PARD3B: variants seen among roughly 807,000 people sequenced by gnomAD.
PARD3B encodes partitioning defective 3 homolog B.
PARD3B carries 103 observed loss-of-function variants against 130.2 expected under a neutral mutation model. The observed-to-expected ratio is 0.79, with a 90% CI of 0.67 to 0.93. PARD3B has a LOEUF of 0.93. PARD3B is among the 40% of genes least tolerant of loss of function. PARD3B has a pLI of 0.00. For synonymous variants in PARD3B, 583 were observed against 553.2 expected (o/e 1.05, Z -0.76); for missense variants, 1,609 against 1,499.2 (o/e 1.07, Z -1.21).
chr2:204,998,334 ATATATATATATATATATATATATATGTG>A lies in PARD3B; in HGVS notation c.394+33013_394+33040del, dbSNP rs1450365382. Among the ~76,000 whole-genome samples the A allele has an allele frequency of 1.5e-4, 6 of 40,306 alleles. 1 individual carries two copies. The highest frequency in any genetic ancestry group is 3.9e-4 in the African/African-American group (4 of 10,230). The allele number at this position is 40,306 out of a possible 152,430, so 26.4% of individuals were successfully genotyped here. A position where few individuals can be genotyped will look rare whatever the true frequency, so the allele number is the denominator to read the frequency against. Reference sequence around the variant, plus strand: ...AAAGTATATATATATATATATATATATATATATATATATATATATATATATGTGTGTGTGTGTGTGTATATATGTGTGT... The same window carrying A: ...AAAGTATATATATATATATATATATATGTGTGTGTGTGTATATATGTGTGT... On this transcript the variant is annotated intron_variant, in intron 3 of 22. Coordinates refer to ENST00000406610, the MANE Select transcript of PARD3B (RefSeq NM_001302769.2).
At chr2:204,806,426 G>C (rs1445741142) in intron 2 of PARD3B, among the ~76,000 whole-genome samples, 1 of 152,114 alleles carries the variant, frequency 6.6e-6, no homozygotes, top group Non-Finnish European at 1.5e-5. Context: ...GAGAAAACTG[G>C]ATATTTATAT....
intron 14 of PARD3B, among the ~76,000 whole-genome samples, chr2:205,192,892 G>C (rs144889016): frequency 7.9e-5 from 12 of 152,286 alleles, no homozygotes; most frequent in African/African-American, 2.6e-4. Context: ...AAGTGCTAGT[G>C]TTTTCCAGGC....
chr2:204,819,992 A>G lies in PARD3B; in HGVS notation c.222+133710A>G, dbSNP rs897457331. On this transcript the variant is annotated intron_variant, in intron 2 of 22. Coordinates refer to ENST00000406610, the MANE Select transcript of PARD3B (RefSeq NM_001302769.2). The stretch of plus-strand genomic sequence containing the variant: ...CACAGTCCAGGGTGAAACAGCAAGT[A>G]CTGTTGCAGAAGCTGCAGCAAGTTG... Among the ~76,000 whole-genome samples, 6 of 152,020 alleles carry G rather than the reference A, an allele frequency of 3.9e-5. No individual in the cohort carries two copies. The South Asian group carries it at 6.2e-4, about 16-fold the overall frequency.
At chr2:204,726,058 C>G (rs1466696957) in intron 2 of PARD3B, among the ~76,000 whole-genome samples, 1 of 152,170 alleles carries the variant, frequency 6.6e-6, no homozygotes, top group Non-Finnish European at 1.5e-5. Context: ...CAGATTGAGT[C>G]CAGCTAGGGC....
intron 2 of PARD3B, among the ~76,000 whole-genome samples, chr2:204,945,074 G>T (rs569289692): frequency 3.4e-4 from 52 of 152,348 alleles, no homozygotes; most frequent in African/African-American, 1.1e-3. Context: ...ATCAGAAAAA[G>T]ATTTAAGGTA....
intron 2 of PARD3B, among the ~76,000 whole-genome samples, chr2:204,864,008 C>G (rs1448578333): frequency 6.6e-6 from 1 of 152,148 alleles, no homozygotes; most frequent in African/African-American, 2.4e-5. Flanking sequence ...TTTAAGCTGT[C>G]ATCTGTGTTT....
At position 205,301,621 on chromosome 2, in the gene PARD3B, A is replaced by G; in HGVS notation, c.2550A>G (p.Lys850=). The change falls in exon 18 of 23, where the codon AAA becomes AAG. Residue 850 remains lysine, a synonymous_variant. Transcript: ENST00000406610. This position sits in a 1 kb window ranked among gnomAD's most constrained non-coding sequence, Gnocchi z 5.2. The stretch of plus-strand genomic sequence containing the variant: ...AGAAAAAGGAAAAGGGCAAATTGAA[A>G]GTCAAGGAGAAAAAGCGCAAAGAGG... The part of the protein sequence containing the change: ...KEKKKEKGKL[K]VKEKKRKEEN... The G allele has an allele frequency of 6.2e-7, 1 of 1,613,696 alleles. No homozygotes were observed. The highest frequency in any genetic ancestry group is 8.5e-7 in the Non-Finnish European group (1 of 1,179,728).
intron 22 of PARD3B, among the ~76,000 whole-genome samples, chr2:205,588,490 T>G (rs189725717): frequency 6.6e-6 from 1 of 152,294 alleles, no homozygotes; most frequent in African/African-American, 2.4e-5. Flanking sequence ...AGTAATGTTT[T>G]TTTTTCAAGT....
intron 10 of PARD3B, among the ~76,000 whole-genome samples, chr2:205,133,511 T>C (rs1443719279): frequency 1.3e-5 from 2 of 152,136 alleles, no homozygotes; most frequent in Non-Finnish European, 2.9e-5. Context: ...TGGTGCTCAC[T>C]CAAGTTTGAG....
At chr2:205,521,076 G>A (rs966063500) in intron 21 of PARD3B, among the ~76,000 whole-genome samples, 2 of 151,280 alleles carry the variant, frequency 1.3e-5, no homozygotes, top group South Asian at 4.2e-4. Flanking sequence ...TATGAAAGTT[G>A]TTAAGTTTAT....
intron 2 of PARD3B, among the ~76,000 whole-genome samples, chr2:204,790,730 A>G (rs2042172055): frequency 6.6e-6 from 1 of 152,112 alleles, no homozygotes. Context: ...TTTATTTTTT[A>G]CTTCGTATTT....
intron 2 of PARD3B, among the ~76,000 whole-genome samples, chr2:204,736,096 T>C (rs920741127): frequency 5.3e-5 from 8 of 152,092 alleles, no homozygotes; most frequent in Non-Finnish European, 1.0e-4. Context: ...TACTCCCTCT[T>C]TTCTATCAAG....
At chr2:205,008,945 A>C (rs1695493535) in intron 3 of PARD3B, among the ~76,000 whole-genome samples, 2 of 152,210 alleles carry the variant, frequency 1.3e-5, no homozygotes, top group Non-Finnish European at 2.9e-5. Flanking sequence ...ATTACCATCC[A>C]GGCTACACTG....
intron 1 of PARD3B, among the ~76,000 whole-genome samples, chr2:204,645,938 GTC>G (rs2035255844): frequency 6.6e-6 from 1 of 152,020 alleles, no homozygotes; most frequent in Non-Finnish European, 1.5e-5. Context: ...GCTATAACGT[GTC>G]TCTCTTCCTT....
At chr2:205,112,956 A>G (rs920792061) in intron 5 of PARD3B, among the ~76,000 whole-genome samples, 1 of 152,182 alleles carries the variant, frequency 6.6e-6, no homozygotes, top group African/African-American at 2.4e-5. Flanking sequence ...GTTTTGATTT[A>G]TATTGCTTTG....
At chr2:204,690,507 G>A (rs2037305533) in intron 2 of PARD3B, among the ~76,000 whole-genome samples, 1 of 152,210 alleles carries the variant, frequency 6.6e-6, no homozygotes, top group African/African-American at 2.4e-5. Context: ...ATAAATGTGA[G>A]AAAGACACAC....
rs1208627857 is a variant in PARD3B at position 205,263,666 on chromosome 2, G to A, written c.2185+17844G>A. Reference sequence around the variant, plus strand: ...AATTTTAGTTACAGTGGGTTAAGCAGAACTTTTTAGAGCACTAAAACCAGG... The same window carrying A: ...AATTTTAGTTACAGTGGGTTAAGCAAAACTTTTTAGAGCACTAAAACCAGG... On this transcript the variant is annotated intron_variant, in intron 16 of 22. Transcript: ENST00000406610. The surrounding 1 kb of genome is among the most constrained non-coding windows in gnomAD (Gnocchi z 4.0). Among the ~76,000 whole-genome samples, 1 of 150,896 alleles carries A rather than the reference G, an allele frequency of 6.6e-6. No homozygotes were observed. The highest frequency in any genetic ancestry group is 6.6e-5 in the Admixed American group (1 of 15,096).
chr2:205,177,314 C>A (rs947183451), intron 13 of PARD3B, among the ~76,000 whole-genome samples: 2 of 152,078 alleles, frequency 1.3e-5, no homozygotes, highest in Non-Finnish European at 2.9e-5. Flanking sequence ...TTTACTTATA[C>A]TTCTATCAAA....
At chr2:204,793,485 T>C (rs2042265830) in intron 2 of PARD3B, among the ~76,000 whole-genome samples, 2 of 152,138 alleles carry the variant, frequency 1.3e-5, no homozygotes, top group South Asian at 4.1e-4. Flanking sequence ...TTTTTAATAT[T>C]CTCACTTATC....
Sources: allele counts gnomAD v4.1 joint callset (sites outside exome capture counted in the v4.1 genomes callset), GRCh38; gene constraint gnomAD v4.1.1; non-coding constraint Gnocchi (gnomAD v3.1); transcripts MANE v1.5; gene names NCBI Gene and HGNC (gene_info 2026-07-23, HGNC 2026-07-21).